TNIP1: variants seen among roughly 807,000 people sequenced by gnomAD.
TNIP1 encodes the protein TNFAIP3 interacting protein 1.
TNIP1 carries 22 observed loss-of-function variants against 86.6 expected under a neutral mutation model. The ratio of observed to expected loss-of-function variants is 0.25; its 90% confidence interval spans 0.18 to 0.36. TNIP1 has a LOEUF of 0.36. Among genes scored for constraint, TNIP1 ranks in the 10% least tolerant of loss-of-function variants. TNIP1 has a pLI of 1.00. For missense variants in TNIP1, 709 were observed against 820.6 expected (o/e 0.86, Z 1.66); for synonymous variants, 294 against 313.0 (o/e 0.94, Z 0.64).
Position 151,032,361 on chromosome 5 carries a change from G to A in TNIP1, c.1802C>T (p.Pro601Leu). 6.2e-7 allele frequency: 1 copy of A among 1,614,092 alleles called. No individual in the cohort carries two copies. ...ATTTGGATTTCGAACCCCTCCACAG[G>A]GTAGACGCCAGGTGTATTCCGGCTG... Reference protein sequence around the residue: ...FHLPEYTWRLPCGGVRNPNQS... With the variant: ...FHLPEYTWRLLCGGVRNPNQS... The change falls in exon 17 of 18, where the codon CCC (proline) becomes CTC (leucine). Residue 601 changes from proline to leucine, a missense_variant. Coordinates refer to ENST00000521591, the MANE Select transcript of TNIP1 (RefSeq NM_006058.5).
In TNIP1 at chr5:151,062,194, G is replaced by A. The variant is rs1761660083; in HGVS notation, c.290C>T (p.Thr97Ile). 2.5e-6 allele frequency: 4 copies of A among 1,614,014 alleles called. No individual in the cohort carries two copies. The highest frequency in any genetic ancestry group is 3.3e-5 in the Admixed American group (2 of 60,004). Residue 97 changes from threonine (T) to isoleucine (I), a missense_variant, in exon 4 of 18, where the codon ACA (threonine) becomes ATA (isoleucine). Physicochemically the swap from Thr to Ile is moderately conservative, Grantham distance 89. Coordinates refer to ENST00000521591, the MANE Select transcript of TNIP1 (RefSeq NM_006058.5). The stretch of plus-strand genomic sequence containing the variant: ...GCATGCAGGGGCTGTGGGAGATGCT[G>A]TGACATTTGAGTCCTTTCCTGGAGA... ...AELTGKDSNV[T>I]ASPTAPACPS...
upstream of TNIP1, among the ~76,000 whole-genome samples, chr5:151,084,456 A>C (rs115682037): frequency 6.8e-6 from 1 of 147,180 alleles, no homozygotes; most frequent in Non-Finnish European, 1.5e-5. Flanking sequence ...AAAAAAAAAA[A>C]AAAGAAAGAA....
chr5:151,064,934 C>T (rs1452495490), intron 2 of TNIP1, 26 bp downstream of exon 2: 2 of 1,613,644 alleles, frequency 1.2e-6, no homozygotes, highest in Non-Finnish European at 1.7e-6. Flanking sequence ...GGGGCGCTCG[C>T]AGGGAGGGGA....
chr5:151,055,811 A>C (rs1760586713), intron 6 of TNIP1, among the ~76,000 whole-genome samples: 1 of 152,196 alleles, frequency 6.6e-6, no homozygotes, highest in African/African-American at 2.4e-5. Context: ...AGGAGGCTTC[A>C]AGTCATGGCT....
At chr5:151,051,160 G>A (rs907070897) in intron 7 of TNIP1, among the ~76,000 whole-genome samples, 3 of 152,164 alleles carry the variant, frequency 2.0e-5, no homozygotes, top group Admixed American at 6.5e-5. Flanking sequence ...CCCCAAAAGT[G>A]CATCCTTGGC....
intron 16 of TNIP1, chr5:151,032,983 G>A (rs1447855732): frequency 5.9e-5 from 9 of 153,414 alleles, no homozygotes; most frequent in African/African-American, 7.3e-5. Context: ...AAAAATTACC[G>A]GGCGTGGTGG....
chr5:151,076,873 GC>G (rs959955454), intron 1 of TNIP1, among the ~76,000 whole-genome samples: 1 of 152,186 alleles, frequency 6.6e-6, no homozygotes, highest in African/African-American at 2.4e-5. Context: ...TGTCTTCAAA[GC>G]CCCACCCACA....
intron 1 of TNIP1, among the ~76,000 whole-genome samples, chr5:151,077,698 T>C (rs567339668): frequency 6.6e-6 from 1 of 152,218 alleles, no homozygotes; most frequent in South Asian, 2.1e-4. Context: ...CTGGATCGGA[T>C]GCTCTGGAGT....
chr5:151,031,824 T>C (rs917994789), intron 17 of TNIP1, among the ~76,000 whole-genome samples: 1 of 152,180 alleles, frequency 6.6e-6, no homozygotes, highest in Non-Finnish European at 1.5e-5. Context: ...CCTCCACCCC[T>C]ACCTCTCCAC....
intron 1 of TNIP1, among the ~76,000 whole-genome samples, chr5:151,066,227 G>C (rs763526851): frequency 6.6e-6 from 1 of 152,230 alleles, no homozygotes; most frequent in Non-Finnish European, 1.5e-5. Context: ...GCCAAGACCT[G>C]AAAGAGGTGA....
At chr5:151,072,075 A>C (rs888839556) in intron 1 of TNIP1, among the ~76,000 whole-genome samples, 10 of 152,260 alleles carry the variant, frequency 6.6e-5, no homozygotes, top group Non-Finnish European at 1.3e-4. Flanking sequence ...ATGAGGAAGC[A>C]GACTCAGAGA....
chr5:151,080,953 G>A lies in TNIP1; in HGVS notation c.-110C>T, dbSNP rs1763962348. The A allele has an allele frequency of 1.3e-5, 2 of 152,178 alleles. No homozygotes were observed. Among genetic ancestry groups the A allele is most frequent in the Non-Finnish European group, 2.9e-5 (2 of 68,032 alleles). The allele number at this position is 152,178 out of a possible 1,614,324, so 9.4% of individuals were successfully genotyped here. On this transcript the variant is annotated 5_prime_UTR_variant, in exon 1 of 18. Coordinates refer to ENST00000521591, the MANE Select transcript of TNIP1 (RefSeq NM_006058.5). ...CCCCGAATCCAGGGACGGGGCAGCG[G>A]CCCGGGCAAGGCTCCGGCCCCCCGT...
rs1480815406 is a variant in TNIP1, at chr5:151,039,162, C to A, written c.1198G>T (p.Asp400Tyr). 2 of 1,613,988 alleles carry A rather than the reference C, an allele frequency of 1.2e-6. No homozygotes were observed. Among genetic ancestry groups the A allele is most frequent in the South Asian group, 1.1e-5 (1 of 91,070 alleles). ...ELRQKVKYLQ[D>Y]QLSPLTRQRE... ...TGTCGGGTGAGTGGGCTCAGCTGATCCTGCAGGTACTTGACCTTTTGGCGC... is the reference window on the plus strand; with the variant it reads ...TGTCGGGTGAGTGGGCTCAGCTGATACTGCAGGTACTTGACCTTTTGGCGC... Residue 400 changes from aspartate (D) to tyrosine (Y), a missense_variant, in exon 12 of 18, where the codon GAT becomes TAT. Asp to Tyr is a radical substitution (Grantham distance 160). Coordinates refer to ENST00000521591, the MANE Select transcript of TNIP1 (RefSeq NM_006058.5).
At chr5:151,051,737 C>T (rs1309229680) in intron 7 of TNIP1, among the ~76,000 whole-genome samples, 1 of 152,172 alleles carries the variant, frequency 6.6e-6, no homozygotes, top group Non-Finnish European at 1.5e-5. Flanking sequence ...TAATGCCTTT[C>T]CCTGACCCTC....
chr5:151,045,766 G>A, intron 9 of TNIP1, 95 bp downstream of exon 9: 1 of 1,266,590 alleles, frequency 7.9e-7, no homozygotes, highest in Non-Finnish European at 1.1e-6. Flanking sequence ...GGTGACCTGG[G>A]ACCTGCCAGA....
At chr5:151,057,438 C>T (rs760805145) in intron 5 of TNIP1, among the ~76,000 whole-genome samples, 30 of 152,188 alleles carry the variant, frequency 2.0e-4, no homozygotes, top group Non-Finnish European at 3.1e-4. Context: ...TCTAAAAAAA[C>T]AAACTGGCCG....
chr5:151,052,385 C>G, intron 6 of TNIP1, 126 bp from the exon 7 acceptor site: 1 of 745,902 alleles, frequency 1.3e-6, no homozygotes. Context: ...CTTTGCCTGG[C>G]CTCACCCCAT....
intron 16 of TNIP1, 123 bp from the exon 17 acceptor site, chr5:151,032,506 G>C (rs1757039050): frequency 1.0e-6 from 1 of 975,824 alleles, no homozygotes; most frequent in African/African-American, 1.6e-5. Flanking sequence ...TAACAACCCA[G>C]GCTGGCACTC....
intron 4 of TNIP1, among the ~76,000 whole-genome samples, chr5:151,061,133 C>G (rs891812683): frequency 1.3e-5 from 2 of 152,200 alleles, no homozygotes; most frequent in African/African-American, 4.8e-5. Flanking sequence ...GTCATTCAAC[C>G]AACCAAGAAG....
Sources: allele counts gnomAD v4.1 joint callset (sites outside exome capture counted in the v4.1 genomes callset), GRCh38; gene constraint gnomAD v4.1.1; transcripts MANE v1.5; gene names NCBI Gene and HGNC (gene_info 2026-07-23, HGNC 2026-07-21).